The following RFX2 variants were observed in gnomAD, a reference collection of about 807,000 sequenced individuals.
RFX2 encodes DNA-binding protein RFX2.
In RFX2, 20 loss-of-function variants were observed where a neutral mutation model predicts 87.8. The observed-to-expected ratio is 0.23, with a 90% CI of 0.16 to 0.33. The LOEUF (loss-of-function observed/expected upper bound fraction) is 0.33. RFX2 is among the 10% of genes least tolerant of loss of function. The pLI is 1.00. For synonymous variants in RFX2, 397 were observed against 431.3 expected (o/e 0.92, Z 0.98); for missense variants, 767 against 1,012.3 (o/e 0.76, Z 3.29).
In RFX2 at chr19:6,013,129, C is replaced by A; in HGVS notation, c.780-24G>T. On this transcript the variant is annotated intron_variant, in intron 7 of 17. Coordinates refer to ENST00000303657, the MANE Select transcript of RFX2 (RefSeq NM_000635.4). This position sits in a 1 kb window ranked among gnomAD's most constrained non-coding sequence, Gnocchi z 4.1. ...CCCTGGAAACCAAACATCCCAGGGT[C>A]AGCTCCCTTTGCAGATGTCCTGAAC... 1 of 1,567,774 alleles carries A rather than the reference C, an allele frequency of 6.4e-7. No individual in the cohort carries two copies. Among genetic ancestry groups the A allele is most frequent in the South Asian group, 1.2e-5 (1 of 84,962 alleles).
chr19:6,071,717 G>A (rs2087609111), intron 1 of RFX2, among the ~76,000 whole-genome samples: 2 of 146,220 alleles, frequency 1.4e-5, no homozygotes, highest in Admixed American at 1.3e-4. Flanking sequence ...CCCAAAGAGG[G>A]AAATGTTGGA....
At chr19:6,037,626 A>C (rs1006044538) in intron 5 of RFX2, among the ~76,000 whole-genome samples, 2 of 152,230 alleles carry the variant, frequency 1.3e-5, no homozygotes, top group Admixed American at 1.3e-4. Context: ...AATTAGTCAA[A>C]ATCTCAGTAG....
intron 5 of RFX2, among the ~76,000 whole-genome samples, chr19:6,032,587 G>A (rs1185139406): frequency 2.0e-5 from 3 of 152,206 alleles, no homozygotes; most frequent in Non-Finnish European, 4.4e-5. Context: ...GGAGGGAGAT[G>A]GGGCATTTTA....
chr19:6,108,340 G>A (rs1326962497), intron 1 of RFX2, among the ~76,000 whole-genome samples: 1 of 152,178 alleles, frequency 6.6e-6, no homozygotes, highest in Non-Finnish European at 1.5e-5. Context: ...ACTAGAGCAG[G>A]AGAAAGCACA....
Position 6,039,523 on chromosome 19 carries a change from A to T in RFX2, c.522+457T>A, listed in dbSNP as rs1287073989. On this transcript the variant is annotated intron_variant, in intron 5 of 17. Coordinates refer to ENST00000303657, the MANE Select transcript of RFX2 (RefSeq NM_000635.4). This position sits in a 1 kb window ranked among gnomAD's most constrained non-coding sequence, Gnocchi z 5.2. ...ATGTAGAGACTCTGGAAAAGCAGAT[A>T]AGTCGTTATTTTGCATCGGGGCATG... is the stretch of plus-strand genomic sequence containing the variant. 6.6e-6 allele frequency among the ~76,000 whole-genome samples: 1 copy of T among 152,260 alleles called. No individual in the cohort carries two copies. Among genetic ancestry groups the T allele is most frequent in the Non-Finnish European group, 1.5e-5 (1 of 68,052 alleles).
chr19:6,041,993 G>T, intron 4 of RFX2, 51 bp downstream of exon 4: 3 of 1,494,082 alleles, frequency 2.0e-6, no homozygotes, highest in Non-Finnish European at 2.8e-6. Flanking sequence ...GGTGGCAAAG[G>T]CTGGAGTCAG....
intron 1 of RFX2, among the ~76,000 whole-genome samples, chr19:6,082,531 C>T (rs971126761): frequency 6.6e-6 from 1 of 152,112 alleles, no homozygotes; most frequent in African/African-American, 2.4e-5. Flanking sequence ...CTCCTGGGCT[C>T]AAGCCATCCT....
intron 1 of RFX2, among the ~76,000 whole-genome samples, chr19:6,082,896 G>C (rs1341814931): frequency 6.6e-6 from 1 of 152,170 alleles, no homozygotes; most frequent in East Asian, 1.9e-4. Flanking sequence ...CAGCAGTGCT[G>C]ATCCTGTCTT....
At position 5,994,185 on chromosome 19, in the gene RFX2, G is replaced by A. The variant is rs2086371317; in HGVS notation, c.*650C>T. On this transcript the variant is annotated 3_prime_UTR_variant, in exon 18 of 18. Transcript: ENST00000303657. ...TGCCCCTCAAGTCCTTTGGCATCTG[G>A]AGATGGGTTCCTGCAGCACAGCCGG... 1 of 152,292 alleles carries A rather than the reference G, an allele frequency of 6.6e-6. No homozygotes were observed. Among genetic ancestry groups the A allele is most frequent in the African/African-American group, 2.4e-5 (1 of 41,466 alleles). 9.4% of individuals were successfully genotyped at this position (152,292 alleles called of 1,614,324 possible). A position where few individuals can be genotyped will look rare whatever the true frequency, so the allele number is the denominator to read the frequency against.
At chr19:6,077,626 G>A (rs1257550040) in intron 1 of RFX2, among the ~76,000 whole-genome samples, 1 of 152,214 alleles carries the variant, frequency 6.6e-6, no homozygotes, top group Non-Finnish European at 1.5e-5. Context: ...AATGTTCACA[G>A]CAGCGTTGTC....
At chr19:6,048,103 T>C (rs2087221710) in intron 1 of RFX2, among the ~76,000 whole-genome samples, 1 of 152,184 alleles carries the variant, frequency 6.6e-6, no homozygotes, top group African/African-American at 2.4e-5. Context: ...TGTTCAGATA[T>C]TGCCAAGTGA....
chr19:6,013,184 C>G lies in RFX2; in HGVS notation c.780-79G>C. On this transcript the variant is annotated intron_variant, in intron 7 of 17. Transcript: ENST00000303657. This position sits in a 1 kb window ranked among gnomAD's most constrained non-coding sequence, Gnocchi z 4.1. ...AGACAGGTTGGGATTCTTTTTCTTT[C>G]TTTCTTCTTTTTTTTTTTTGAGACA... is the stretch of plus-strand genomic sequence containing the variant. 7.3e-7 allele frequency: 1 copy of G among 1,375,720 alleles called. No individual in the cohort carries two copies. The highest frequency in any genetic ancestry group is 9.7e-7 in the Non-Finnish European group (1 of 1,035,240). 85.2% of individuals were successfully genotyped at this position (1,375,720 alleles called of 1,614,324 possible).
chr19:6,085,300 T>G (rs1194403207), intron 1 of RFX2, among the ~76,000 whole-genome samples: 1 of 152,274 alleles, frequency 6.6e-6, no homozygotes, highest in Non-Finnish European at 1.5e-5. Context: ...TTTCTTCTTT[T>G]GGGTAACAGT....
In RFX2 at chr19:6,004,118, G is replaced by A; in HGVS notation, c.1500+83C>T. 2 of 1,054,148 alleles carry A rather than the reference G, an allele frequency of 1.9e-6. No individual in the cohort carries two copies. The highest frequency in any genetic ancestry group is 3.0e-6 in the Non-Finnish European group (2 of 672,178). 65.3% of individuals were successfully genotyped at this position (1,054,148 alleles called of 1,614,324 possible). A position where few individuals can be genotyped will look rare whatever the true frequency, so the allele number is the denominator to read the frequency against. ...CGCAGGGAAGAAGCCAGCGCTCTCT[G>A]GGACACAGTGGTCCTCATGCTGTCC... On this transcript the variant is annotated intron_variant, in intron 13 of 17. Coordinates refer to ENST00000303657, the MANE Select transcript of RFX2 (RefSeq NM_000635.4). The surrounding 1 kb of genome is among the most constrained non-coding windows in gnomAD (Gnocchi z 4.8).
chr19:6,054,975 T>A (rs1344101339), intron 1 of RFX2, among the ~76,000 whole-genome samples: 1 of 152,170 alleles, frequency 6.6e-6, no homozygotes, highest in African/African-American at 2.4e-5. Context: ...AGGGCTTTGA[T>A]CCTAATATAT....
rs1369413988 is a variant in RFX2 at position 6,039,127 on chromosome 19, T to A, written c.522+853A>T. ...TGTAGTGTAATAGAATATTACTCAG[T>A]AACAAAAAAAAGCAACTCGGATTCA... On this transcript the variant is annotated intron_variant, in intron 5 of 17. Transcript: ENST00000303657. This position sits in a 1 kb window ranked among gnomAD's most constrained non-coding sequence, Gnocchi z 5.2. 6.6e-6 allele frequency among the ~76,000 whole-genome samples: 1 copy of A among 151,650 alleles called. No homozygotes were observed. The highest frequency in any genetic ancestry group is 2.4e-5 in the African/African-American group (1 of 41,320).
At chr19:6,081,035 C>CAAA (rs537462734) in intron 1 of RFX2, among the ~76,000 whole-genome samples, 3 of 89,706 alleles carry the variant, frequency 3.3e-5, no homozygotes, top group Non-Finnish European at 7.7e-5. Context: ...GACTCCATCT[C>CAAA]AAAAAAAAAA....
intron 1 of RFX2, among the ~76,000 whole-genome samples, chr19:6,096,803 T>G (rs928327760): frequency 6.6e-6 from 1 of 152,200 alleles, no homozygotes; most frequent in Non-Finnish European, 1.5e-5. Flanking sequence ...CATGATTTAA[T>G]TCAACGCACT....
chr19:6,037,807 C>T (rs1009844800), intron 5 of RFX2, among the ~76,000 whole-genome samples: 1 of 152,144 alleles, frequency 6.6e-6, no homozygotes, highest in Non-Finnish European at 1.5e-5. Context: ...AAGGGATAGG[C>T]AGACAGACCA....
Sources: gnomAD v4.1 joint callset for allele counts (sites outside exome capture counted in the v4.1 genomes callset) on GRCh38, gnomAD v4.1.1 for gene constraint, Gnocchi (gnomAD v3.1) non-coding constraint, MANE v1.5 for transcripts, NCBI Gene and HGNC (gene_info 2026-07-23, HGNC 2026-07-21) for gene names.